Variants in USP54 observed in about 807,000 individuals in gnomAD.
The protein encoded by USP54 is ubiquitin carboxyl-terminal hydrolase 54.
A neutral mutation model predicts 170.5 loss-of-function variants in USP54; 87 were observed. The ratio of observed to expected loss-of-function variants is 0.51; its 90% CI spans 0.43 to 0.61. The LOEUF is 0.61. Ranked by LOEUF, USP54 falls within the 20% of genes least tolerant of loss-of-function variation. USP54 has a pLI of 0.00. For synonymous variants in USP54, 655 were observed against 742.8 expected (o/e 0.88, Z 1.92); for missense variants, 1,786 against 2,047.8 (o/e 0.87, Z 2.47).
At chr10:73,606,049 A>C (rs1005990635) in intron 1 of USP54, among the ~76,000 whole-genome samples, 1 of 151,606 alleles carries the variant, frequency 6.6e-6, no homozygotes, top group Non-Finnish European at 1.5e-5. Flanking sequence ...GTGGTGGTAC[A>C]GTCCTGTAAT....
chr10:73,557,097 G>A (rs943167905), intron 4 of USP54, among the ~76,000 whole-genome samples: 1 of 152,128 alleles, frequency 6.6e-6, no homozygotes, highest in African/African-American at 2.4e-5. Context: ...TAAATACAGA[G>A]GACGGATTTC....
At chr10:73,568,876 G>T (rs1482204602) in intron 4 of USP54, among the ~76,000 whole-genome samples, 1 of 152,200 alleles carries the variant, frequency 6.6e-6, no homozygotes, top group Non-Finnish European at 1.5e-5. Flanking sequence ...GTCTCAGAGG[G>T]TAAGTCTAGC....
rs186762004 is a variant in USP54, at chr10:73,508,856, C to T, written c.4052-3430G>A. On this transcript the variant is annotated intron_variant, in intron 20 of 23. Transcript: ENST00000687698. ...CTAATTTTTATATTTTTAGTGGAGA[C>T]GGGGTTTCACCATGTTGGCCAGGCT... is the stretch of plus-strand genomic sequence containing the variant. Among the ~76,000 whole-genome samples, 70 of 151,498 alleles carry T rather than the reference C, an allele frequency of 4.6e-4. 1 individual carries two copies. The East Asian group carries it at 0.011, about 23-fold the overall frequency.
At chr10:73,507,669 CAAAAA>C (rs913305815) in intron 20 of USP54, among the ~76,000 whole-genome samples, 2 of 22,470 alleles carry the variant, frequency 8.9e-5, no homozygotes, top group African/African-American at 1.8e-4. Flanking sequence ...GACTCCGTCG[CAAAAA>C]AAAAAAAAAA....
rs948086487 is a variant in USP54 at position 73,580,564 on chromosome 10, T to TTTTA, written c.-581-4207_-581-4204dup. On this transcript the variant is annotated intron_variant, in intron 1 of 23. Coordinates refer to ENST00000687698, the MANE Select transcript of USP54 (RefSeq NM_001391956.1). ...ATTACTATTGTGTTACAATTGCTTA[T>TTTTA]TTTATTTATTTATTTATTTATTTTT... 8.5e-5 allele frequency among the ~76,000 whole-genome samples: 12 copies of TTTTA among 141,620 alleles called. No homozygotes were observed. The South Asian group carries it at 1.6e-3, about 19-fold the overall frequency. The allele number at this position is 141,620 out of a possible 152,430, so 92.9% of individuals were successfully genotyped here.
At chr10:73,562,822 C>T (rs140851836) in intron 4 of USP54, among the ~76,000 whole-genome samples, 2,033 of 152,228 alleles carry the variant, frequency 0.013, 24 homozygotes, top group Non-Finnish European at 0.019. Flanking sequence ...GGTGGAACTG[C>T]GAGGTGGTTA....
intron 4 of USP54, among the ~76,000 whole-genome samples, chr10:73,558,543 A>G (rs1052851328): frequency 6.6e-6 from 1 of 152,204 alleles, no homozygotes; most frequent in Non-Finnish European, 1.5e-5. Context: ...TCAGGAATAT[A>G]TATCTTTAAG....
chr10:73,601,324 A>C (rs535329865), intron 1 of USP54, among the ~76,000 whole-genome samples: 3 of 152,306 alleles, frequency 2.0e-5, no homozygotes, highest in Non-Finnish European at 2.9e-5. Context: ...AAAATTGTTA[A>C]GTCATGGAAA....
At chr10:73,555,886 A>G (rs2070854062) in intron 4 of USP54, among the ~76,000 whole-genome samples, 1 of 152,172 alleles carries the variant, frequency 6.6e-6, no homozygotes, top group East Asian at 1.9e-4. Context: ...TTCTATTTGA[A>G]TATCATATAC....
chr10:73,562,687 T>C (rs1590422385), intron 4 of USP54, among the ~76,000 whole-genome samples: 1 of 152,332 alleles, frequency 6.6e-6, no homozygotes, highest in East Asian at 1.9e-4. Context: ...TTAAATCCAC[T>C]CTAGTGTAGT....
chr10:73,616,126 A>C (rs1028085552), intron 1 of USP54, among the ~76,000 whole-genome samples: 13 of 149,754 alleles, frequency 8.7e-5, no homozygotes, highest in Admixed American at 6.6e-5. Flanking sequence ...ATCACTTGAG[A>C]TCAGGAGTTC....
At chr10:73,592,853 T>C (rs2132226497), upstream of USP54, among the ~76,000 whole-genome samples, 1 of 152,284 alleles carries the variant, frequency 6.6e-6, no homozygotes, top group South Asian at 2.1e-4. Context: ...CAGAGGCCCC[T>C]CAGAAAACAC....
At chr10:73,565,711 A>T (rs1278866523) in intron 4 of USP54, among the ~76,000 whole-genome samples, 1 of 152,196 alleles carries the variant, frequency 6.6e-6, no homozygotes, top group Non-Finnish European at 1.5e-5. Context: ...ATTATCTAAA[A>T]AAGTTGAAGA....
At chr10:73,523,291 T>C (rs1386843938) in intron 17 of USP54, among the ~76,000 whole-genome samples, 2 of 152,192 alleles carry the variant, frequency 1.3e-5, no homozygotes, top group Non-Finnish European at 2.9e-5. Context: ...TATTTCTGAC[T>C]CAAGGCTAGT....
intron 1 of USP54, among the ~76,000 whole-genome samples, chr10:73,601,852 T>G (rs115943423): frequency 0.044 from 6,672 of 152,288 alleles, 448 homozygotes; most frequent in African/African-American, 0.15. Context: ...CAACAGCTGC[T>G]GCTGCTGCTA....
At position 73,498,531 on chromosome 10, in the gene USP54, C is replaced by T; in HGVS notation, c.*98G>A. The T allele has an allele frequency of 7.9e-7, 1 of 1,269,742 alleles. No individual in the cohort carries two copies. Among genetic ancestry groups the T allele is most frequent in the Non-Finnish European group, 1.1e-6 (1 of 939,368 alleles). The allele number at this position is 1,269,742 out of a possible 1,614,324, so 78.7% of individuals were successfully genotyped here. ...CCTCGTGATCCACCCGCCTCAGCCT[C>T]CCAAAGTGCTGGGATTACAGGTGTG... is the stretch of plus-strand genomic sequence containing the variant. On this transcript the variant is annotated 3_prime_UTR_variant, in exon 24 of 24. Transcript: ENST00000687698.
At chr10:73,581,070 C>T (rs1472683999) in intron 1 of USP54, among the ~76,000 whole-genome samples, 1 of 152,190 alleles carries the variant, frequency 6.6e-6, no homozygotes. Flanking sequence ...TTAAGCAAAA[C>T]ATGGCTGCAC....
intron 12 of USP54, among the ~76,000 whole-genome samples, chr10:73,534,097 T>G (rs1049805989): frequency 5.9e-5 from 9 of 152,272 alleles, no homozygotes; most frequent in African/African-American, 1.9e-4. Context: ...CAATGGAGCA[T>G]CACGGTTCAT....
At chr10:73,509,105 CAAAAAAA>C (rs34441562) in intron 20 of USP54, among the ~76,000 whole-genome samples, 5 of 47,292 alleles carry the variant, frequency 1.1e-4, no homozygotes, top group South Asian at 8.9e-4. Context: ...ATCATACTGG[CAAAAAAA>C]AAAAAAAAAA....
Sources: allele counts gnomAD v4.1 joint callset (sites outside exome capture counted in the v4.1 genomes callset), GRCh38; gene constraint gnomAD v4.1.1; transcripts MANE v1.5; gene names NCBI Gene and HGNC (gene_info 2026-07-23, HGNC 2026-07-21).